The following EPHA5 variants were observed in gnomAD, a reference collection of about 807,000 sequenced individuals.
EPHA5 encodes ephrin type-A receptor 5.
In EPHA5, 60 loss-of-function variants were observed where a neutral mutation model predicts 105.0. The ratio of observed to expected loss-of-function variants is 0.57; its 90% confidence interval spans 0.46 to 0.71. The LOEUF (loss-of-function observed/expected upper bound fraction) is 0.71. EPHA5 is among the 30% of genes least tolerant of loss of function. The pLI, the probability that EPHA5 is intolerant of heterozygous loss-of-function variation, is 0.00. For synonymous variants in EPHA5, 513 were observed against 449.1 expected (o/e 1.14, Z -1.80); for missense variants, 1,218 against 1,274.7 (o/e 0.96, Z 0.68).
chr4:65,546,939 A>G (rs761164271), intron 3 of EPHA5, among the ~76,000 whole-genome samples: 12 of 152,062 alleles, frequency 7.9e-5, no homozygotes, highest in Non-Finnish European at 1.8e-4. Flanking sequence ...TAATACATTC[A>G]TTGAAAATTT....
chr4:65,365,956 T>A lies in EPHA5; in HGVS notation c.1963A>T (p.Thr655Ser), dbSNP rs766091341. The part of the protein sequence containing the change: ...FAKEIEASCI[T>S]IERVIGAGEF... ...CCTGCTCCAATAACTCTCTCAATGG[T>A]GATACATGATGCTTCTATCTCCTTA... The change falls in exon 10 of 17, where the codon ACC becomes TCC. Residue 655 changes from threonine to serine, a missense_variant. Physicochemically the swap from Thr to Ser is moderately conservative, Grantham distance 58. Coordinates refer to ENST00000613740, the MANE Select transcript of EPHA5 (RefSeq NM_001281766.3). 59 of 1,608,258 alleles carry A rather than the reference T, an allele frequency of 3.7e-5. No individual in the cohort carries two copies. The highest frequency in any genetic ancestry group is 1.7e-4 in the Middle Eastern group (1 of 6,056).
rs777006749 is a variant in EPHA5, at chr4:65,324,132, G to C, written c.3033C>G (p.Asn1011Lys). 1 of 1,608,088 alleles carries C rather than the reference G, an allele frequency of 6.2e-7. No homozygotes were observed. Among genetic ancestry groups the C allele is most frequent in the Non-Finnish European group, 8.5e-7 (1 of 1,176,090 alleles). ...SLQEMKVQLVNGMVPL is the reference protein window; with the variant it reads ...SLQEMKVQLVKGMVPL Reference sequence around the variant, plus strand: ...CATGAAGTTACAATGGCACCATTCCGTTTACCAGCTGCACCTTCATTTCTT... The same window carrying C: ...CATGAAGTTACAATGGCACCATTCCCTTTACCAGCTGCACCTTCATTTCTT... The change falls in exon 17 of 17, where the codon AAC becomes AAG. Residue 1011 changes from asparagine (N) to lysine (K), a missense_variant. This residue lies in a region of EPHA5 where 971 missense variants were observed against 1,013.5 expected (regional missense o/e 0.96). Coordinates refer to ENST00000613740, the MANE Select transcript of EPHA5 (RefSeq NM_001281766.3).
At chr4:65,595,295 G>GGA (rs1225663401) in intron 3 of EPHA5, among the ~76,000 whole-genome samples, 1 of 151,988 alleles carries the variant, frequency 6.6e-6, no homozygotes, top group African/African-American at 2.4e-5. Flanking sequence ...CTAGGATACA[G>GGA]GAATTCTATA....
At chr4:65,414,257 G>A (rs770742585) in intron 7 of EPHA5, 27 bp downstream of exon 7, 1 of 1,606,118 alleles carries the variant, frequency 6.2e-7, no homozygotes, top group Admixed American at 1.7e-5. Context: ...ACTGAGACAT[G>A]AGCTGACAGT....
chr4:65,519,293 T>C (rs1003881060), intron 3 of EPHA5, among the ~76,000 whole-genome samples: 5 of 152,122 alleles, frequency 3.3e-5, no homozygotes, highest in Non-Finnish European at 7.4e-5. Context: ...ATTACCTCAA[T>C]AGATGAAGAA....
chr4:65,616,987 A>G (rs1219116098), intron 2 of EPHA5, among the ~76,000 whole-genome samples: 1 of 152,116 alleles, frequency 6.6e-6, no homozygotes, highest in Non-Finnish European at 1.5e-5. Flanking sequence ...ATGTATAGAA[A>G]AGCGATACAG....
At chr4:65,387,138 G>A (rs1422745147) in intron 8 of EPHA5, among the ~76,000 whole-genome samples, 2 of 151,882 alleles carry the variant, frequency 1.3e-5, no homozygotes, top group Non-Finnish European at 2.9e-5. Context: ...AATGCAGTGG[G>A]GGCGGGGGTT....
At chr4:65,598,560 G>GA (rs572995596) in intron 3 of EPHA5, among the ~76,000 whole-genome samples, 5 of 152,044 alleles carry the variant, frequency 3.3e-5, no homozygotes, top group African/African-American at 4.8e-5. Context: ...AACAGGAGTA[G>GA]AAAAAATAAT....
chr4:65,393,473 G>T (rs2148961301), intron 8 of EPHA5, among the ~76,000 whole-genome samples: 1 of 152,270 alleles, frequency 6.6e-6, no homozygotes, highest in South Asian at 2.1e-4. Flanking sequence ...GCAGTTGCCT[G>T]ATCTCTTCCA....
chr4:65,392,274 G>A (rs776716592), intron 8 of EPHA5, among the ~76,000 whole-genome samples: 4 of 151,996 alleles, frequency 2.6e-5, no homozygotes, highest in South Asian at 2.1e-4. Flanking sequence ...ATCAATACAC[G>A]TCTGGATTTT....
At chr4:65,557,054 G>A (rs888914129) in intron 3 of EPHA5, among the ~76,000 whole-genome samples, 1 of 151,622 alleles carries the variant, frequency 6.6e-6, no homozygotes, top group African/African-American at 2.4e-5. Context: ...TTCGATGAAG[G>A]TGTGATAAGG....
chr4:65,436,336 A>T (rs1725478976), intron 5 of EPHA5, among the ~76,000 whole-genome samples: 1 of 151,328 alleles, frequency 6.6e-6, no homozygotes, highest in African/African-American at 2.4e-5. Context: ...ATCTACTAAA[A>T]TAGTGCTATA....
chr4:65,338,789 A>C (rs528727972), intron 14 of EPHA5, among the ~76,000 whole-genome samples: 1 of 152,242 alleles, frequency 6.6e-6, no homozygotes, highest in East Asian at 1.9e-4. Context: ...TCTTTATAAT[A>C]GTTTTGGGGG....
At chr4:65,616,587 A>G (rs542425247) in intron 2 of EPHA5, among the ~76,000 whole-genome samples, 1 of 152,114 alleles carries the variant, frequency 6.6e-6, no homozygotes, top group South Asian at 2.1e-4. Context: ...ACCTGACTTC[A>G]AAGCTCATAT....
At chr4:65,663,524 T>C (rs990111225) in intron 1 of EPHA5, among the ~76,000 whole-genome samples, 1 of 152,058 alleles carries the variant, frequency 6.6e-6, no homozygotes, top group Non-Finnish European at 1.5e-5. Context: ...CCAGACACAA[T>C]TCAAATTCTT....
chr4:65,423,681 T>C lies in EPHA5; in HGVS notation c.1403-3116A>G, dbSNP rs940487734. Among the ~76,000 whole-genome samples, 7 of 150,574 alleles carry C rather than the reference T, an allele frequency of 4.6e-5. No homozygotes were observed. In the South Asian group the frequency reaches 8.3e-4, roughly 18 times the overall value. On this transcript the variant is annotated intron_variant, in intron 5 of 16. Coordinates refer to ENST00000613740, the MANE Select transcript of EPHA5 (RefSeq NM_001281766.3). ...TATGGGTTTGTCTGTTTTTTTTTTT[T>C]CTACATTATTTTCTTATCTTCTGGG...
chr4:65,547,145 T>A (rs981883204), intron 3 of EPHA5, among the ~76,000 whole-genome samples: 1 of 151,974 alleles, frequency 6.6e-6, no homozygotes, highest in Non-Finnish European at 1.5e-5. Context: ...GTGTAGGTGT[T>A]TGTGTGAAAT....
chr4:65,579,871 A>G (rs1741445788), intron 3 of EPHA5, among the ~76,000 whole-genome samples: 1 of 151,964 alleles, frequency 6.6e-6, no homozygotes, highest in Admixed American at 6.6e-5. Context: ...ATAATTTTCC[A>G]ATGACTCACA....
intron 2 of EPHA5, among the ~76,000 whole-genome samples, chr4:65,631,294 G>T (rs1178987333): frequency 6.6e-6 from 1 of 152,042 alleles, no homozygotes; most frequent in African/African-American, 2.4e-5. Context: ...ACAATTAATT[G>T]TTTTAGGAAA....
Sources: gnomAD v4.1 joint callset for allele counts (sites outside exome capture counted in the v4.1 genomes callset) on GRCh38, gnomAD v4.1.1 for gene constraint, gnomAD v4.1.1 regional missense constraint, MANE v1.5 for transcripts, NCBI Gene and HGNC (gene_info 2026-07-23, HGNC 2026-07-21) for gene names.